Variants in CACNA2D1 observed in about 807,000 individuals in gnomAD.
CACNA2D1 encodes voltage-dependent calcium channel subunit alpha-2/delta-1.
A neutral mutation model predicts 171.5 loss-of-function variants in CACNA2D1; 53 were observed. The observed-to-expected ratio is 0.31, with a 90% confidence interval of 0.25 to 0.39. CACNA2D1 has a LOEUF of 0.39. CACNA2D1 is among the 10% of genes least tolerant of loss of function. The probability of loss-of-function intolerance (pLI) is 1.00; values close to 1 mark genes in which losing one functional copy is unlikely to be tolerated. For synonymous variants in CACNA2D1, 442 were observed against 443.1 expected (o/e 1.00, Z 0.03); for missense variants, 903 against 1,299.8 (o/e 0.69, Z 4.69).
At chr7:82,422,930 G>A (rs1009792108) in intron 1 of CACNA2D1, among the ~76,000 whole-genome samples, 1 of 151,856 alleles carries the variant, frequency 6.6e-6, no homozygotes, top group African/African-American at 2.4e-5. Context: ...AGTGTGCACA[G>A]ATGCCTGGAA....
At chr7:82,211,363 C>G (rs1431990529) in intron 3 of CACNA2D1, among the ~76,000 whole-genome samples, 2 of 152,088 alleles carry the variant, frequency 1.3e-5, no homozygotes, top group Non-Finnish European at 2.9e-5. Flanking sequence ...CTTCCCCCAC[C>G]CTCCACCCTT....
At chr7:82,143,883 A>G (rs1015663784) in intron 4 of CACNA2D1, among the ~76,000 whole-genome samples, 2 of 152,190 alleles carry the variant, frequency 1.3e-5, no homozygotes, top group Admixed American at 1.3e-4. Flanking sequence ...TAAAAACTCT[A>G]ACAAACATGT....
chr7:82,363,799 T>G (rs550268581), intron 1 of CACNA2D1, among the ~76,000 whole-genome samples: 203 of 152,310 alleles, frequency 1.3e-3, no homozygotes, highest in Admixed American at 2.2e-3. Flanking sequence ...GGACCTAGGC[T>G]TGGAGTTAAT....
At chr7:82,237,394 G>T (rs1803725459) in intron 3 of CACNA2D1, among the ~76,000 whole-genome samples, 1 of 151,736 alleles carries the variant, frequency 6.6e-6, no homozygotes, top group African/African-American at 2.4e-5. Flanking sequence ...AAAACATACA[G>T]ACACACACAC....
intron 2 of CACNA2D1, among the ~76,000 whole-genome samples, chr7:82,339,537 C>G (rs1236359132): frequency 6.6e-6 from 1 of 152,140 alleles, no homozygotes; most frequent in African/African-American, 2.4e-5. Flanking sequence ...CCAATTGTAT[C>G]AGGACTTATA....
At chr7:82,379,279 A>G (rs1346010214) in intron 1 of CACNA2D1, among the ~76,000 whole-genome samples, 2 of 151,618 alleles carry the variant, frequency 1.3e-5, no homozygotes, top group African/African-American at 4.9e-5. Flanking sequence ...TTCAAAGCAT[A>G]GATCACAAGA....
At chr7:82,192,448 GTGTGTT>G (rs1798400960) in intron 3 of CACNA2D1, among the ~76,000 whole-genome samples, 1 of 139,446 alleles carries the variant, frequency 7.2e-6, no homozygotes, top group Non-Finnish European at 1.5e-5. Context: ...GTGTGTGTAT[GTGTGTT>G]TGTGTTTGTG....
chr7:82,383,617 C>T (rs572353162), intron 1 of CACNA2D1, among the ~76,000 whole-genome samples: 1 of 152,198 alleles, frequency 6.6e-6, no homozygotes, highest in African/African-American at 2.4e-5. Context: ...TACACAGTTC[C>T]GTGAAATGCT....
chr7:81,949,591 G>GCTAGC lies in CACNA2D1; in HGVS notation c.*796_*800dup, dbSNP rs1168130433. 1.3e-5 allele frequency: 2 copies of GCTAGC among 151,902 alleles called. No homozygotes were observed. The highest frequency in any genetic ancestry group is 2.9e-5 in the Non-Finnish European group (2 of 67,978). 9.4% of individuals were successfully genotyped at this position (151,902 alleles called of 1,614,324 possible). A position where few individuals can be genotyped will look rare whatever the true frequency, so the allele number is the denominator to read the frequency against. ...TTCTTAGAGCATTTTTAAATATCTG[G>GCTAGC]CTAGCACTACATAACTGTACTGTGA... On this transcript the variant is annotated 3_prime_UTR_variant, in exon 39 of 39. Transcript: ENST00000356860.
At chr7:81,962,950 T>C (rs954650662) in intron 34 of CACNA2D1, among the ~76,000 whole-genome samples, 1 of 152,014 alleles carries the variant, frequency 6.6e-6, no homozygotes, top group African/African-American at 2.4e-5. Context: ...ATAGAATATA[T>C]TTGTAAATAT....
chr7:82,036,396 T>C lies in CACNA2D1; in HGVS notation c.1038+1681A>G, dbSNP rs1008239434. 3.3e-5 allele frequency among the ~76,000 whole-genome samples: 5 copies of C among 152,244 alleles called. No individual in the cohort carries two copies. In the East Asian group the frequency reaches 9.6e-4, roughly 29 times the overall value. ...CCATCTGCAATTTTTTACTGTGCTA[T>C]GTTGTGTCACACTTCTGTGATTTGT... is the stretch of plus-strand genomic sequence containing the variant. On this transcript the variant is annotated intron_variant, in intron 11 of 38. Coordinates refer to ENST00000356860, the MANE Select transcript of CACNA2D1 (RefSeq NM_000722.4).
At chr7:81,971,702 C>A in intron 26 of CACNA2D1, 75 bp downstream of exon 26, 2 of 829,074 alleles carry the variant, frequency 2.4e-6, no homozygotes, top group East Asian at 2.5e-5. Context: ...TTATGAGATT[C>A]ATACCCAATT....
intron 7 of CACNA2D1, among the ~76,000 whole-genome samples, chr7:82,067,078 C>T (rs571004109): frequency 2.6e-5 from 4 of 152,100 alleles, no homozygotes; most frequent in South Asian, 2.1e-4. Context: ...GTAATTCAAG[C>T]GCAGATTCAA....
At chr7:82,223,431 T>C (rs1338731528) in intron 3 of CACNA2D1, among the ~76,000 whole-genome samples, 2 of 152,178 alleles carry the variant, frequency 1.3e-5, no homozygotes, top group Non-Finnish European at 2.9e-5. Flanking sequence ...AGTCATAAGT[T>C]TACTTATCCT....
chr7:82,181,222 C>T (rs1399481334), intron 3 of CACNA2D1, among the ~76,000 whole-genome samples: 1 of 151,740 alleles, frequency 6.6e-6, no homozygotes, highest in African/African-American at 2.4e-5. Flanking sequence ...AGGCAGTAAC[C>T]ATGTTAAACA....
rs574236054 is a variant in CACNA2D1, at chr7:82,350,900, T to C, written c.96-1251A>G. 6.6e-5 allele frequency among the ~76,000 whole-genome samples: 10 copies of C among 152,344 alleles called. No homozygotes were observed. In the South Asian group the frequency reaches 2.1e-3, roughly 32 times the overall value. The stretch of plus-strand genomic sequence containing the variant: ...AATGGACATCTTAAAATATAAGCTA[T>C]GGATGTCAGGATATTTTAGAAGACC... On this transcript the variant is annotated intron_variant, in intron 1 of 38. Coordinates refer to ENST00000356860, the MANE Select transcript of CACNA2D1 (RefSeq NM_000722.4).
intron 3 of CACNA2D1, among the ~76,000 whole-genome samples, chr7:82,237,361 C>T (rs1399463789): frequency 1.3e-5 from 2 of 151,786 alleles, no homozygotes; most frequent in African/African-American, 4.8e-5. Context: ...GAACATAAGG[C>T]ATCAGAGTGA....
chr7:82,325,937 C>T (rs186962114), intron 3 of CACNA2D1, among the ~76,000 whole-genome samples: 7 of 152,260 alleles, frequency 4.6e-5, no homozygotes, highest in Non-Finnish European at 8.8e-5. Context: ...CTCCAGCTTC[C>T]TCCAGCATCC....
At chr7:82,254,215 A>G (rs1806007171) in intron 3 of CACNA2D1, among the ~76,000 whole-genome samples, 2 of 152,020 alleles carry the variant, frequency 1.3e-5, no homozygotes, top group South Asian at 4.1e-4. Context: ...AAATAACTTA[A>G]CTTTCAGCAT....
Sources: gnomAD v4.1 joint callset for allele counts (sites outside exome capture counted in the v4.1 genomes callset) on GRCh38, gnomAD v4.1.1 for gene constraint, MANE v1.5 for transcripts, NCBI Gene and HGNC (gene_info 2026-07-23, HGNC 2026-07-21) for gene names.